The following ACAD11 variants were observed in gnomAD, a reference collection of about 807,000 sequenced individuals.
The protein encoded by ACAD11 is acyl-CoA dehydrogenase family member 11.
ACAD11 carries 83 observed loss-of-function variants against 102.2 expected under a neutral mutation model. The ratio of observed to expected loss-of-function variants is 0.81; its 90% CI spans 0.68 to 0.97. The LOEUF (loss-of-function observed/expected upper bound fraction) is 0.97, where lower values mean the gene tolerates loss of function less well. Ranked by LOEUF, ACAD11 falls within the 50% of genes least tolerant of loss-of-function variation. The pLI is 0.00. For missense variants in ACAD11, 901 were observed against 951.7 expected (o/e 0.95, Z 0.70); for synonymous variants, 324 against 319.8 (o/e 1.01, Z -0.14).
At chr3:132,639,990 ACT>A (rs565350090) in intron 4 of ACAD11, among the ~76,000 whole-genome samples, 17 of 149,006 alleles carry the variant, frequency 1.1e-4, no homozygotes, top group African/African-American at 2.3e-4. Context: ...GCACACACAC[ACT>A]CTCTCTCACA....
At chr3:132,579,640 A>G in intron 13 of ACAD11, 82 bp from the exon 14 acceptor site, 3 of 1,069,840 alleles carry the variant, frequency 2.8e-6, no homozygotes, top group Non-Finnish European at 4.3e-6. Flanking sequence ...AATCCTTCCC[A>G]CTTTACCTAT....
intron 5 of ACAD11, among the ~76,000 whole-genome samples, chr3:132,635,312 G>C (rs1427224931): frequency 6.6e-6 from 1 of 151,906 alleles, no homozygotes; most frequent in Non-Finnish European, 1.5e-5. Context: ...ATATACTATG[G>C]GGGGTGGGCA....
chr3:132,618,281 T>C (rs934684146), intron 11 of ACAD11: 1 of 227,914 alleles, frequency 4.4e-6, no homozygotes, highest in Admixed American at 5.7e-5. Context: ...ATTCATTTGG[T>C]GAATGAATAG....
chr3:132,575,300 G>A (rs1259826395), intron 17 of ACAD11, among the ~76,000 whole-genome samples: 3 of 152,142 alleles, frequency 2.0e-5, no homozygotes, highest in Non-Finnish European at 4.4e-5. Context: ...TGTTTCTCCA[G>A]TGACAGAATT....
In ACAD11 at chr3:132,651,657, C is replaced by T. The variant is rs576625436; in HGVS notation, c.150-6761G>A. Among the ~76,000 whole-genome samples, 9 of 152,314 alleles carry T rather than the reference C, an allele frequency of 5.9e-5. No homozygotes were observed. In the South Asian group the frequency reaches 1.7e-3, roughly 28 times the overall value. The stretch of plus-strand genomic sequence containing the variant: ...ATACTGCCATTCACCTCATATCCCC[C>T]GACCATATCCTTTGCCCAAGACTGT... On this transcript the variant is annotated intron_variant, in intron 1 of 19. Transcript: ENST00000264990.
At chr3:132,584,833 T>G (rs553615746) in intron 13 of ACAD11, among the ~76,000 whole-genome samples, 13 of 152,140 alleles carry the variant, frequency 8.5e-5, no homozygotes, top group East Asian at 3.9e-4. Context: ...CACTGCTCAA[T>G]GAAATAAAAG....
chr3:132,560,852 A>G (rs1937033905), intron 18 of ACAD11, among the ~76,000 whole-genome samples: 1 of 152,070 alleles, frequency 6.6e-6, no homozygotes, highest in Non-Finnish European at 1.5e-5. Flanking sequence ...AAAGCCTATG[A>G]TTTCCCCCAT....
chr3:132,634,043 C>A (rs1294551316), intron 5 of ACAD11, among the ~76,000 whole-genome samples: 1 of 152,038 alleles, frequency 6.6e-6, no homozygotes, highest in East Asian at 1.9e-4. Flanking sequence ...CAACAAAAGC[C>A]AAAATTGACA....
Position 132,561,081 on chromosome 3 carries a change from A to C in ACAD11, c.2118+20T>G, listed in dbSNP as rs1388047857. 6.3e-7 allele frequency: 1 copy of C among 1,591,846 alleles called. No homozygotes were observed. ...AGAAGGCTCAGCAGTTGGTGGTCTG[A>C]GGGGAGAAGGTAGCCTCACCTCTTT... On this transcript the variant is annotated intron_variant, in intron 18 of 19. Coordinates refer to ENST00000264990, the MANE Select transcript of ACAD11 (RefSeq NM_032169.5).
At chr3:132,595,296 A>T (rs1045905395) in intron 13 of ACAD11, among the ~76,000 whole-genome samples, 2 of 152,228 alleles carry the variant, frequency 1.3e-5, no homozygotes, top group African/African-American at 4.8e-5. Context: ...TCAAACAGCA[A>T]GAAGCTGGGT....
intron 1 of ACAD11, among the ~76,000 whole-genome samples, chr3:132,651,251 C>T (rs1940921948): frequency 6.6e-6 from 1 of 152,144 alleles, no homozygotes; most frequent in Non-Finnish European, 1.5e-5. Flanking sequence ...CCACCCTCTA[C>T]CCCTTTTTCT....
At chr3:132,614,589 TAATA>T (rs753075983) in intron 11 of ACAD11, among the ~76,000 whole-genome samples, 2 of 152,174 alleles carry the variant, frequency 1.3e-5, no homozygotes, top group Non-Finnish European at 2.9e-5. Context: ...ATTTCCTATT[TAATA>T]AATGGTGTTG....
chr3:132,607,800 A>G (rs1938914872), intron 11 of ACAD11, among the ~76,000 whole-genome samples: 2 of 152,172 alleles, frequency 1.3e-5, no homozygotes, highest in African/African-American at 2.4e-5. Flanking sequence ...CCTCAAGAAG[A>G]GCAACCCCAA....
At chr3:132,638,862 AACT>A (rs1283071653) in intron 5 of ACAD11, among the ~76,000 whole-genome samples, 1 of 152,190 alleles carries the variant, frequency 6.6e-6, no homozygotes, top group Non-Finnish European at 1.5e-5. Flanking sequence ...CATTCTAAGA[AACT>A]AATGAACCCA....
At chr3:132,640,024 A>G (rs551508325) in intron 4 of ACAD11, among the ~76,000 whole-genome samples, 1 of 152,142 alleles carries the variant, frequency 6.6e-6, no homozygotes, top group South Asian at 2.1e-4. Flanking sequence ...ACACACAAAT[A>G]TATAGGCATA....
chr3:132,559,053 T>C lies in ACAD11; in HGVS notation c.2261A>G (p.Asp754Gly). Residue 754 changes from aspartate to glycine, a missense_variant, in exon 20 of 20, where the codon GAT becomes GGT. Coordinates refer to ENST00000264990, the MANE Select transcript of ACAD11 (RefSeq NM_032169.5). Reference sequence around the variant, plus strand: ...TGAAAGATGAACTTCGTCAGGTCCATCTGCTAAACGCAAAACTCGGGTTAT... The same window carrying C: ...TGAAAGATGAACTTCGTCAGGTCCACCTGCTAAACGCAAAACTCGGGTTAT... ...YAITRVLRLA[D>G]GPDEVHLSAI... 1 of 1,613,838 alleles carries C rather than the reference T, an allele frequency of 6.2e-7. No individual in the cohort carries two copies. The highest frequency in any genetic ancestry group is 8.5e-7 in the Non-Finnish European group (1 of 1,179,800).
chr3:132,580,457 A>G (rs1937581687), intron 13 of ACAD11, among the ~76,000 whole-genome samples: 2 of 151,984 alleles, frequency 1.3e-5, no homozygotes, highest in South Asian at 4.1e-4. Flanking sequence ...GAAAAAAGAG[A>G]GATAGAGAAG....
chr3:132,586,909 A>G (rs1275161065), intron 13 of ACAD11, among the ~76,000 whole-genome samples: 1 of 152,186 alleles, frequency 6.6e-6, no homozygotes, highest in Non-Finnish European at 1.5e-5. Context: ...CCTGGCCAAC[A>G]TGGCGAAACC....
chr3:132,631,372 C>T lies in ACAD11; in HGVS notation c.810G>A (p.Met270Ile). 1 of 1,523,722 alleles carries T rather than the reference C, an allele frequency of 6.6e-7. No individual in the cohort carries two copies. The highest frequency in any genetic ancestry group is 8.8e-7 in the Non-Finnish European group (1 of 1,132,354). The allele number at this position is 1,523,722 out of a possible 1,614,324, so 94.4% of individuals were successfully genotyped here. A position where few individuals can be genotyped will look rare whatever the true frequency, so the allele number is the denominator to read the frequency against. Residue 270 changes from methionine (M) to isoleucine (I), a missense_variant, in exon 6 of 20, where the codon ATG (methionine) becomes ATA (isoleucine). By Grantham distance (10) the Met-to-Ile change is conservative. Transcript: ENST00000264990. Reference protein sequence around the residue: ...LFYFWPRTVPMINQGSYSENS... With the variant: ...LFYFWPRTVPIINQGSYSENS... ...TTTCACTATAAGAACCTTGATTTATCATTGGAACTGTCCTTGGCCAAAAGT... is the reference window on the plus strand; with the variant it reads ...TTTCACTATAAGAACCTTGATTTATTATTGGAACTGTCCTTGGCCAAAAGT...
Sources: allele counts gnomAD v4.1 joint callset (sites outside exome capture counted in the v4.1 genomes callset), GRCh38; gene constraint gnomAD v4.1.1; transcripts MANE v1.5; gene names NCBI Gene and HGNC (gene_info 2026-07-23, HGNC 2026-07-21).